CCDC14: variants seen among roughly 807,000 people sequenced by gnomAD.
CCDC14 encodes the protein coiled-coil domain-containing protein 14.
In CCDC14, 71 loss-of-function variants were observed where a neutral mutation model predicts 81.4. That is an observed-to-expected ratio of 0.87 (90% CI 0.72 to 1.06). The LOEUF (loss-of-function observed/expected upper bound fraction) is 1.06, where lower values mean the gene tolerates loss of function less well. CCDC14 is among the 50% of genes least tolerant of loss of function. The pLI, the probability that CCDC14 is intolerant of heterozygous loss-of-function variation, is 0.00. For missense variants in CCDC14, 1,046 were observed against 1,047.3 expected (o/e 1.00, Z 0.02); for synonymous variants, 332 against 364.8 (o/e 0.91, Z 1.03).
intron 8 of CCDC14, among the ~76,000 whole-genome samples, chr3:123,946,035 CTG>C (rs1021797995): frequency 6.6e-6 from 1 of 151,922 alleles, no homozygotes; most frequent in African/African-American, 2.4e-5. Context: ...ATGTATCTGA[CTG>C]TGAAAATGGT....
intron 12 of CCDC14, among the ~76,000 whole-genome samples, chr3:123,916,815 TTAG>T (rs1186667525): frequency 6.6e-6 from 1 of 152,108 alleles, no homozygotes; most frequent in African/African-American, 2.4e-5. Context: ...GCAGCCTTTA[TTAG>T]TAGTCCTATT....
intron 12 of CCDC14, 26 bp from the exon 13 acceptor site, chr3:123,915,744 AT>A: frequency 6.7e-7 from 1 of 1,499,122 alleles, no homozygotes; most frequent in African/African-American, 1.4e-5. Flanking sequence ...CAGAACACTA[AT>A]TATTATTTTT....
Position 123,915,470 on chromosome 3 carries a change from T to C in CCDC14, c.2027A>G (p.Tyr676Cys), listed in dbSNP as rs762878962. Residue 676 changes from tyrosine to cysteine, a missense_variant, in exon 13 of 13, where the codon TAT becomes TGT. Transcript: ENST00000409697. ...NEETIEPDKT[Y>C]ENVLSSRGPQ... ...GCCTCTGGAGGACAGAACATTTTCA[T>C]AGGTTTTGTCTGGCTCTATGGTTTC... 4 of 1,613,972 alleles carry C rather than the reference T, an allele frequency of 2.5e-6. No individual in the cohort carries two copies. Among genetic ancestry groups the C allele is most frequent in the Admixed American group, 3.3e-5 (2 of 60,032 alleles).
At position 123,914,751 on chromosome 3, in the gene CCDC14, G is replaced by A. The variant is rs1003181597; in HGVS notation, c.*28C>T. Reference sequence around the variant, plus strand: ...TATAGCCAAGTTCTAGTTTTAAAAAGAAGCACCTGATGAGTTTTCTTCTGA... The same window carrying A: ...TATAGCCAAGTTCTAGTTTTAAAAAAAAGCACCTGATGAGTTTTCTTCTGA... On this transcript the variant is annotated 3_prime_UTR_variant, in exon 13 of 13. Transcript: ENST00000409697. The A allele has an allele frequency of 7.5e-6, 11 of 1,475,676 alleles. No homozygotes were observed. The African/African-American group carries it at 1.4e-4, about 19-fold the overall frequency. 91.4% of individuals were successfully genotyped at this position (1,475,676 alleles called of 1,614,324 possible).
chr3:123,920,191 C>T (rs1350731924), intron 12 of CCDC14, among the ~76,000 whole-genome samples: 1 of 151,728 alleles, frequency 6.6e-6, no homozygotes, highest in Non-Finnish European at 1.5e-5. Flanking sequence ...GAAAAGAGGA[C>T]ATTTAAAATT....
intron 12 of CCDC14, among the ~76,000 whole-genome samples, chr3:123,924,562 T>C (rs557277960): frequency 2.6e-5 from 4 of 152,122 alleles, no homozygotes; most frequent in Admixed American, 6.5e-5. Flanking sequence ...ATATTCAAAA[T>C]ATGTAAGGGA....
chr3:123,940,084 G>GT (rs1293345226), intron 9 of CCDC14, among the ~76,000 whole-genome samples: 2 of 151,540 alleles, frequency 1.3e-5, no homozygotes, highest in Admixed American at 1.3e-4. Flanking sequence ...GAAGCTAAGG[G>GT]TAGTAGGAGA....
chr3:123,900,620 A>C (rs2034160739), intron 5 of CCDC14, among the ~76,000 whole-genome samples: 1 of 152,196 alleles, frequency 6.6e-6, no homozygotes, highest in East Asian at 1.9e-4. Flanking sequence ...TTGCTAATAA[A>C]AATCTATTCA....
intron 1 of CCDC14, among the ~76,000 whole-genome samples, chr3:123,959,496 A>G (rs568523608): frequency 1.3e-5 from 2 of 152,140 alleles, no homozygotes; most frequent in South Asian, 4.2e-4. Context: ...TCTGCTTTTG[A>G]GTTATAGAAA....
At position 123,944,993 on chromosome 3, in the gene CCDC14, A is replaced by T; in HGVS notation, c.1202-3T>A. The T allele has an allele frequency of 6.3e-7, 1 of 1,582,272 alleles. No homozygotes were observed. Among genetic ancestry groups the T allele is most frequent in the Non-Finnish European group, 8.6e-7 (1 of 1,157,844 alleles). On this transcript the variant is annotated splice_region_variant and splice_polypyrimidine_tract_variant and intron_variant, in intron 8 of 12. Transcript: ENST00000409697. Reference sequence around the variant, plus strand: ...CAACCTCTGAATTTCTGAATCCTCTATAGAAGGCAACAGAAATGAGTAAAA... The same window carrying T: ...CAACCTCTGAATTTCTGAATCCTCTTTAGAAGGCAACAGAAATGAGTAAAA...
intron 5 of CCDC14, among the ~76,000 whole-genome samples, chr3:123,899,011 T>G (rs1273511529): frequency 6.6e-6 from 1 of 151,694 alleles, no homozygotes; most frequent in African/African-American, 2.4e-5. Flanking sequence ...TGATCCACCA[T>G]GCCAGGACAA....
intron 5 of CCDC14, among the ~76,000 whole-genome samples, chr3:123,907,270 T>C (rs2034333124): frequency 6.6e-6 from 1 of 152,228 alleles, no homozygotes; most frequent in South Asian, 2.1e-4. Flanking sequence ...ACTGGAATTT[T>C]CCTTAATATT....
intron 5 of CCDC14, 40 bp from the exon 6 acceptor site, chr3:123,949,172 T>G: frequency 7.9e-7 from 1 of 1,273,654 alleles, no homozygotes; most frequent in Non-Finnish European, 1.1e-6. Context: ...AATATGATTC[T>G]TCAAAAACTT....
In CCDC14 at chr3:123,928,970, CT is replaced by C. The variant is rs2035546754; in HGVS notation, c.1778+2131del. On this transcript the variant is annotated intron_variant, in intron 12 of 12. Transcript: ENST00000409697. Reference sequence around the variant, plus strand: ...ATAAAATGACATAGGAAAGACAGAACTTTGAAAAAAATCAAAGTACTTTATA... The same window carrying C: ...ATAAAATGACATAGGAAAGACAGAACTTGAAAAAAATCAAAGTACTTTATA... Among the ~76,000 whole-genome samples the C allele has an allele frequency of 2.0e-5, 3 of 152,198 alleles. No individual in the cohort carries two copies. In the South Asian group the frequency reaches 6.2e-4, roughly 32 times the overall value.
In CCDC14 at chr3:123,931,342, C is replaced by T. The variant is rs1420728730; in HGVS notation, c.1611G>A (p.Gln537=). 1 of 1,519,888 alleles carries T rather than the reference C, an allele frequency of 6.6e-7. No individual in the cohort carries two copies. The allele number at this position is 1,519,888 out of a possible 1,614,324, so 94.2% of individuals were successfully genotyped here. ...DKDQTILENK[Q]QYDIEITRIK... is the part of the protein sequence containing the mutation. The stretch of plus-strand genomic sequence containing the variant: ...TTCTTGTTATCTCAATATCATATTG[C>T]TGTTTATTTTCAAGTATAGTTTGAT... The change falls in exon 11 of 13, where the codon CAG becomes CAA. Residue 537 remains glutamine (Q), a synonymous_variant. Transcript: ENST00000409697.
intron 12 of CCDC14, among the ~76,000 whole-genome samples, chr3:123,916,722 A>G (rs2034721515): frequency 2.0e-5 from 3 of 152,158 alleles, no homozygotes; most frequent in Admixed American, 2.0e-4. Flanking sequence ...TCCGAACTAC[A>G]ATGAAGATTA....
intron 12 of CCDC14, among the ~76,000 whole-genome samples, chr3:123,920,367 G>T (rs2034971901): frequency 6.6e-6 from 1 of 152,092 alleles, no homozygotes; most frequent in Non-Finnish European, 1.5e-5. Flanking sequence ...CCAAATCTAG[G>T]GAAAGACACC....
chr3:123,954,543 T>G (rs1206511187), intron 5 of CCDC14: 1 of 152,108 alleles, frequency 6.6e-6, no homozygotes, highest in Non-Finnish European at 1.5e-5. Context: ...AAAATTACTT[T>G]TCATAATATT....
At chr3:123,915,791 T>C in intron 12 of CCDC14, 73 bp from the exon 13 acceptor site, 1 of 1,157,686 alleles carries the variant, frequency 8.6e-7, no homozygotes. Context: ...TATACCTCCA[T>C]CTTTAAAAAA....
Sources: allele counts gnomAD v4.1 joint callset (sites outside exome capture counted in the v4.1 genomes callset), GRCh38; gene constraint gnomAD v4.1.1; transcripts MANE v1.5; gene names NCBI Gene and HGNC (gene_info 2026-07-23, HGNC 2026-07-21).